Variants in ANKRD30BL observed in about 807,000 individuals in gnomAD.
ANKRD30BL encodes the protein putative ankyrin repeat domain-containing protein 30B-like.
ANKRD30BL carries 20 observed loss-of-function variants against 18.4 expected under a neutral mutation model. The ratio of observed to expected loss-of-function variants is 1.09; its 90% CI spans 0.77 to 1.58. The LOEUF is 1.58. Among genes scored for constraint, ANKRD30BL ranks in the 40% most tolerant of loss-of-function variants. The pLI, the probability that ANKRD30BL is intolerant of heterozygous loss-of-function variation, is 0.00. For synonymous variants in ANKRD30BL, 72 were observed against 100.9 expected (o/e 0.71, Z 1.72); for missense variants, 224 against 268.6 (o/e 0.83, Z 1.16).
chr2:132,177,012 A>G (rs1688376873), intron 1 of ANKRD30BL, among the ~76,000 whole-genome samples: 1 of 152,240 alleles, frequency 6.6e-6, no homozygotes, highest in South Asian at 2.1e-4. Flanking sequence ...ACTTGTCTCT[A>G]CAGAAAATGA....
chr2:132,214,517 C>T (rs1456082136), intron 1 of ANKRD30BL, among the ~76,000 whole-genome samples: 1 of 151,798 alleles, frequency 6.6e-6, no homozygotes, highest in Non-Finnish European at 1.5e-5. Flanking sequence ...AAAAAAAAGA[C>T]AGAAGCATTC....
At chr2:132,164,896 C>G (rs1688157908), upstream of ANKRD30BL, among the ~76,000 whole-genome samples, 1 of 151,948 alleles carries the variant, frequency 6.6e-6, no homozygotes, top group Non-Finnish European at 1.5e-5. Context: ...CGGTGAAACC[C>G]CGTCTCTACT....
intron 1 of ANKRD30BL, among the ~76,000 whole-genome samples, chr2:132,224,064 C>T (rs1238402745): frequency 6.6e-6 from 1 of 151,834 alleles, no homozygotes; most frequent in African/African-American, 2.4e-5. Context: ...AGGGTTGAAA[C>T]TCTCTTTTTT....
Position 132,177,561 on chromosome 2 carries a change from T to C in ANKRD30BL, n.442-20415A>G, listed in dbSNP as rs1688386085. Among the ~76,000 whole-genome samples, 3 of 152,218 alleles carry C rather than the reference T, an allele frequency of 2.0e-5. No homozygotes were observed. In the South Asian group the frequency reaches 6.2e-4, roughly 32 times the overall value. ...GTAAGACAGATAATTCAGAGCAAGC[T>C]TTGATCTTATCAATGTTTATATCAG... is the stretch of plus-strand genomic sequence containing the variant. On this transcript the variant is annotated intron_variant and non_coding_transcript_variant, in intron 1 of 4. Transcript: ENST00000470729.
chr2:132,147,938 A>C lies in ANKRD30BL; in HGVS notation c.*193T>G. 1 of 555,962 alleles carries C rather than the reference A, an allele frequency of 1.8e-6. No individual in the cohort carries two copies. Among genetic ancestry groups the C allele is most frequent in the Non-Finnish European group, 3.3e-6 (1 of 306,800 alleles). 34.4% of individuals were successfully genotyped at this position (555,962 alleles called of 1,614,324 possible). On this transcript the variant is annotated 3_prime_UTR_variant, in exon 6 of 6. Transcript: ENST00000409867. ...AGGCTAGAAGGGGGCTGTTTAATGAAACTAGGGGCAAGGAGGCATAACGAA... is the reference window on the plus strand; with the variant it reads ...AGGCTAGAAGGGGGCTGTTTAATGACACTAGGGGCAAGGAGGCATAACGAA...
At chr2:132,256,535 G>T (rs1218284831) in intron 1 of ANKRD30BL, among the ~76,000 whole-genome samples, 1 of 152,246 alleles carries the variant, frequency 6.6e-6, no homozygotes, top group East Asian at 1.9e-4. Flanking sequence ...CGGTGCCTGG[G>T]GTCTCACCGC....
chr2:132,231,824 G>A (rs535685354), intron 1 of ANKRD30BL, among the ~76,000 whole-genome samples: 1 of 152,332 alleles, frequency 6.6e-6, no homozygotes, highest in East Asian at 1.9e-4. Flanking sequence ...GCTCGAACTG[G>A]GTGGAGCCCA....
intron 1 of ANKRD30BL, among the ~76,000 whole-genome samples, chr2:132,225,529 T>C (rs1679819550): frequency 6.6e-6 from 1 of 152,098 alleles, no homozygotes; most frequent in Non-Finnish European, 1.5e-5. Flanking sequence ...CCTCAGAAAC[T>C]TCTTGTGATG....
intron 1 of ANKRD30BL, among the ~76,000 whole-genome samples, chr2:132,172,204 A>C (rs543104004): frequency 7.2e-5 from 11 of 152,124 alleles, no homozygotes; most frequent in African/African-American, 2.4e-4. Flanking sequence ...TATCTGTTGG[A>C]GTCTCTATTT....
chr2:132,208,685 G>C (rs1344463046), intron 1 of ANKRD30BL, among the ~76,000 whole-genome samples: 2 of 151,368 alleles, frequency 1.3e-5, no homozygotes, highest in African/African-American at 4.9e-5. Flanking sequence ...AAGGAGATAA[G>C]TGTATTCACT....
At chr2:132,169,377 G>A (rs1250808234) in intron 1 of ANKRD30BL, among the ~76,000 whole-genome samples, 2 of 152,102 alleles carry the variant, frequency 1.3e-5, no homozygotes, top group Non-Finnish European at 2.9e-5. Context: ...GGCGGGGTGC[G>A]GTGGCCCACG....
chr2:132,180,731 G>A (rs1302094036), intron 1 of ANKRD30BL, among the ~76,000 whole-genome samples: 4 of 152,056 alleles, frequency 2.6e-5, no homozygotes, highest in East Asian at 1.9e-4. Flanking sequence ...TTCTATTAAC[G>A]ATTATGATAT....
In ANKRD30BL at chr2:132,148,066, T is replaced by C. The variant is rs1228139994; in HGVS notation, c.*65A>G. On this transcript the variant is annotated 3_prime_UTR_variant, in exon 6 of 6. Coordinates refer to ENST00000409867, the MANE Select transcript of ANKRD30BL (RefSeq NM_001358416.1). ...AACTCAGAACTCATTGTACTTAATC[T>C]TCCCCCTCTTGAATTTTAAAGGATG... The C allele has an allele frequency of 1.6e-6, 2 of 1,228,494 alleles. No individual in the cohort carries two copies. Among genetic ancestry groups the C allele is most frequent in the Non-Finnish European group, 2.3e-6 (2 of 854,348 alleles). 76.1% of individuals were successfully genotyped at this position (1,228,494 alleles called of 1,614,324 possible).
intron 1 of ANKRD30BL, among the ~76,000 whole-genome samples, chr2:132,231,368 A>G (rs1680006154): frequency 1.3e-5 from 2 of 152,210 alleles, no homozygotes; most frequent in African/African-American, 2.4e-5. Context: ...GCTCTGGTCT[A>G]CAGCTCCCAG....
chr2:132,215,977 G>A (rs1679487505), intron 1 of ANKRD30BL, among the ~76,000 whole-genome samples: 2 of 152,028 alleles, frequency 1.3e-5, no homozygotes, highest in Admixed American at 6.6e-5. Context: ...CACTCTTTTT[G>A]TAGAATCTGC....
intron 1 of ANKRD30BL, among the ~76,000 whole-genome samples, chr2:132,230,591 T>G (rs1157410425): frequency 6.6e-6 from 1 of 152,044 alleles, no homozygotes; most frequent in Admixed American, 6.6e-5. Flanking sequence ...TTTTGGACAA[T>G]CTGCAAGTGG....
intron 1 of ANKRD30BL, among the ~76,000 whole-genome samples, chr2:132,224,979 C>A (rs1573863376): frequency 1.3e-5 from 2 of 151,880 alleles, no homozygotes; most frequent in African/African-American, 4.8e-5. Flanking sequence ...AAGGAAATAT[C>A]TTCACATAAA....
At chr2:132,204,472 T>G (rs1679171389) in intron 1 of ANKRD30BL, among the ~76,000 whole-genome samples, 1 of 147,650 alleles carries the variant, frequency 6.8e-6, no homozygotes, top group Non-Finnish European at 1.5e-5. Flanking sequence ...TGTATGTATG[T>G]ATATATAGTA....
intron 1 of ANKRD30BL, among the ~76,000 whole-genome samples, chr2:132,239,717 C>G (rs1446497436): frequency 6.6e-6 from 1 of 151,736 alleles, no homozygotes; most frequent in African/African-American, 2.4e-5. Context: ...TTGAACATTC[C>G]CTTTCAGTGA....
Sources: allele counts gnomAD v4.1 joint callset (sites outside exome capture counted in the v4.1 genomes callset), GRCh38; gene constraint gnomAD v4.1.1; transcripts MANE v1.5; gene names NCBI Gene and HGNC (gene_info 2026-07-23, HGNC 2026-07-21).